The following ZNF362 variants were observed in gnomAD, a reference collection of about 807,000 sequenced individuals.
ZNF362 encodes the protein rotund homolog.
ZNF362 carries 11 observed loss-of-function variants against 42.9 expected under a neutral mutation model. That is an observed-to-expected ratio of 0.26 (90% CI 0.16 to 0.42). ZNF362 has a LOEUF of 0.42. Ranked by LOEUF, ZNF362 falls within the 20% of genes least tolerant of loss-of-function variation. ZNF362 has a pLI of 1.00. For synonymous variants in ZNF362, 255 were observed against 257.3 expected, an observed-to-expected ratio of 0.99 and a Z score of 0.09; for missense variants, 362 against 576.2, an observed-to-expected ratio of 0.63 and a Z score of 3.81.
At chr1:33,291,139 C>T (rs1646075182) in intron 6 of ZNF362, among the ~76,000 whole-genome samples, 1 of 152,160 alleles carries the variant, frequency 6.6e-6, no homozygotes, top group South Asian at 2.1e-4. Flanking sequence ...AGTTCTTGCC[C>T]ATGCCTATGT....
At chr1:33,218,790 C>A in the ZNF362 span, among the ~76,000 whole-genome samples, 23 of 151,986 alleles carry the variant, frequency 1.5e-4, no homozygotes, top group Middle Eastern at 6.8e-3. Flanking sequence ...TTCTCAGGGT[C>A]CGTGGAGTTG....
chr1:33,138,356 T>C, the ZNF362 span, among the ~76,000 whole-genome samples: 1 of 152,114 alleles, frequency 6.6e-6, no homozygotes. Context: ...TTACGTAGAA[T>C]AGACTCACGT....
chr1:33,276,410 G>A lies in ZNF362; in HGVS notation c.165G>A (p.Pro55=), dbSNP rs770050328. Residue 55 remains proline (P), a synonymous_variant, in exon 4 of 9, where the codon CCG becomes CCA. Coordinates refer to ENST00000539719, the MANE Select transcript of ZNF362 (RefSeq NM_152493.3). ...AGCTGATGGCCGAGAAGATCAGGCC[G>A]CCTCACCTGCCGCCCACGTCGGCCT... ...KEQLMAEKIR[P]PHLPPTSASS... is the part of the protein sequence containing the mutation. 2.1e-5 allele frequency: 33 copies of A among 1,581,408 alleles called. No homozygotes were observed. In the African/African-American group the frequency reaches 4.0e-4, roughly 19 times the overall value.
chr1:33,155,121 T>G, the ZNF362 span, among the ~76,000 whole-genome samples: 14 of 143,872 alleles, frequency 9.7e-5, no homozygotes, highest in South Asian at 1.9e-3. Context: ...GCCCAGGCTG[T>G]AGTGCAGTGG....
chr1:33,210,993 G>C, the ZNF362 span, among the ~76,000 whole-genome samples: 1 of 151,560 alleles, frequency 6.6e-6, no homozygotes, highest in Admixed American at 6.6e-5. Flanking sequence ...GAGTGCAGTG[G>C]CACAATCCTG....
At chr1:33,142,203 G>A in the ZNF362 span, 1 of 152,408 alleles carries the variant, frequency 6.6e-6, no homozygotes, top group African/African-American at 2.4e-5. Context: ...GTGCTTTGGG[G>A]TGGTGAACAG....
At chr1:33,279,200 A>G (rs1645972760) in intron 4 of ZNF362, among the ~76,000 whole-genome samples, 1 of 151,618 alleles carries the variant, frequency 6.6e-6, no homozygotes, top group Non-Finnish European at 1.5e-5. Flanking sequence ...AATTTTTGTA[A>G]TTTTTGTAGA....
the ZNF362 span, among the ~76,000 whole-genome samples, chr1:33,144,469 T>G: frequency 2.6e-5 from 4 of 152,206 alleles, no homozygotes; most frequent in Admixed American, 2.0e-4. Flanking sequence ...AAGTGTGATG[T>G]GATTTTGCGT....
At chr1:33,181,784 T>G in the ZNF362 span, 1 of 139,594 alleles carries the variant, frequency 7.2e-6, no homozygotes, top group Admixed American at 9.4e-5. This position sits in a 1 kb window ranked among gnomAD's most constrained non-coding sequence, Gnocchi z 6.5. Flanking sequence ...GAGAAGGGGA[T>G]CCCGGAGCGG....
chr1:33,154,460 G>T, the ZNF362 span, among the ~76,000 whole-genome samples: 3 of 152,002 alleles, frequency 2.0e-5, no homozygotes. Context: ...ATCTTGCTCA[G>T]CTATATGGAA....
At chr1:33,241,107 A>C in the ZNF362 span, among the ~76,000 whole-genome samples, 1 of 141,396 alleles carries the variant, frequency 7.1e-6, no homozygotes, top group Non-Finnish European at 1.5e-5. Flanking sequence ...CCCCACTCTG[A>C]GTTGTCCTTT....
At chr1:33,250,109 AC>A in the ZNF362 span, among the ~76,000 whole-genome samples, 1 of 152,144 alleles carries the variant, frequency 6.6e-6, no homozygotes, top group Non-Finnish European at 1.5e-5. Context: ...GCCATACAGC[AC>A]CCACTATGCA....
intron 1 of ZNF362, among the ~76,000 whole-genome samples, chr1:33,267,476 T>C (rs1284713321): frequency 6.6e-6 from 1 of 152,162 alleles, no homozygotes; most frequent in Non-Finnish European, 1.5e-5. Flanking sequence ...CCCCTGACTA[T>C]TGTTGTATCA....
chr1:33,196,830 A>G, the ZNF362 span, among the ~76,000 whole-genome samples: 1 of 152,152 alleles, frequency 6.6e-6, no homozygotes, highest in African/African-American at 2.4e-5. Context: ...TTGCACTATG[A>G]CATTTTGATG....
chr1:33,196,217 TA>T, the ZNF362 span: 1 of 151,944 alleles, frequency 6.6e-6, no homozygotes, highest in Non-Finnish European at 1.5e-5. Flanking sequence ...CTGTCTCTAC[TA>T]AAAATACAAA....
chr1:33,145,555 G>T, the ZNF362 span: 1 of 173,250 alleles, frequency 5.8e-6, no homozygotes, highest in Non-Finnish European at 1.2e-5. Flanking sequence ...GGCCCGGGTG[G>T]CGGGGGCAGC....
the ZNF362 span, among the ~76,000 whole-genome samples, chr1:33,215,849 G>A: frequency 1.3e-5 from 2 of 150,896 alleles, no homozygotes; most frequent in South Asian, 4.2e-4. Flanking sequence ...TTTGAAAAAG[G>A]TTTTCTGCCA....
the ZNF362 span, among the ~76,000 whole-genome samples, chr1:33,182,395 C>T: frequency 6.6e-6 from 1 of 152,352 alleles, no homozygotes; most frequent in Non-Finnish European, 1.5e-5. Flanking sequence ...ATTTGGAATA[C>T]AACTTCTGCA....
At chr1:33,159,962 C>T in the ZNF362 span, 12 of 1,595,574 alleles carry the variant, frequency 7.5e-6, no homozygotes, top group South Asian at 1.3e-4. This position sits in a 1 kb window ranked among gnomAD's most constrained non-coding sequence, Gnocchi z 4.2. Flanking sequence ...GGACAGTCGT[C>T]AGGGGTTATG....
Sources: gnomAD v4.1 joint callset for allele counts (sites outside exome capture counted in the v4.1 genomes callset) on GRCh38, gnomAD v4.1.1 for gene constraint, Gnocchi (gnomAD v3.1) non-coding constraint, MANE v1.5 for transcripts, NCBI Gene and HGNC (gene_info 2026-07-23, HGNC 2026-07-21) for gene names.